The following CCDC171 variants were observed in gnomAD, a reference collection of about 807,000 sequenced individuals.
The protein encoded by CCDC171 is coiled-coil domain containing 171.
A neutral mutation model predicts 168.2 loss-of-function variants in CCDC171; 177 were observed. That is an observed-to-expected ratio of 1.05 (90% CI 0.93 to 1.19). CCDC171 has a LOEUF of 1.19. Ranked by LOEUF, CCDC171 falls within the 50% of genes most tolerant of loss-of-function variation. The pLI, the probability that CCDC171 is intolerant of heterozygous loss-of-function variation, is 0.00. For missense variants in CCDC171, 1,991 were observed against 1,539.0 expected, an observed-to-expected ratio of 1.29 and a Z score of -4.91; for synonymous variants, 687 against 540.8, an observed-to-expected ratio of 1.27 and a Z score of -3.75.
intron 3 of CCDC171, among the ~76,000 whole-genome samples, chr9:15,575,679 T>A (rs1238318664): frequency 6.6e-6 from 1 of 152,236 alleles, no homozygotes; most frequent in East Asian, 1.9e-4. Context: ...ATATTAAGCA[T>A]TTCCTTCAGT....
At chr9:15,619,548 A>G (rs1312513181) in intron 6 of CCDC171, among the ~76,000 whole-genome samples, 1 of 152,208 alleles carries the variant, frequency 6.6e-6, no homozygotes, top group African/African-American at 2.4e-5. Context: ...AATTTGGAGA[A>G]GAAAAGTTGG....
At chr9:16,034,900 C>T (rs908954671) in intron 6 of CCDC171, among the ~76,000 whole-genome samples, 1 of 152,120 alleles carries the variant, frequency 6.6e-6, no homozygotes, top group Non-Finnish European at 1.5e-5. Flanking sequence ...GGTCTATCCT[C>T]CCCTATCCCC....
intron 25 of CCDC171, among the ~76,000 whole-genome samples, chr9:15,956,211 C>T (rs1829781155): frequency 6.6e-6 from 1 of 152,202 alleles, no homozygotes; most frequent in Non-Finnish European, 1.5e-5. Context: ...CTTGGAGCAT[C>T]TTCTCACATT....
Position 15,907,747 on chromosome 9 carries a change from G to A in CCDC171, c.3601-12523G>A, listed in dbSNP as rs554747892. ...ACCTACAGAATGGGAGAAAATTTTC[G>A]CAATCTAGTCATCTGACAAAGGGCT... On this transcript the variant is annotated intron_variant, in intron 24 of 25. Coordinates refer to ENST00000380701, the MANE Select transcript of CCDC171 (RefSeq NM_173550.4). Among the ~76,000 whole-genome samples the A allele has an allele frequency of 1.9e-3, 288 of 152,236 alleles. 2 individuals carry two copies. Among genetic ancestry groups the A allele is most frequent in the African/African-American group, 6.6e-3 (274 of 41,530 alleles).
rs374846151 is a variant in CCDC171 at position 15,864,446 on chromosome 9, C to T, written c.3469-10086C>T. On this transcript the variant is annotated intron_variant, in intron 23 of 25. Coordinates refer to ENST00000380701, the MANE Select transcript of CCDC171 (RefSeq NM_173550.4). ...TTTACATTAGGTATATCTCCTAATG[C>T]TATCCCTCCCCCCGCTCCCCGCACC... 5.3e-5 allele frequency among the ~76,000 whole-genome samples: 8 copies of T among 152,056 alleles called. No individual in the cohort carries two copies. In the East Asian group the frequency reaches 1.5e-3, roughly 29 times the overall value.
intron 23 of CCDC171, among the ~76,000 whole-genome samples, chr9:15,872,448 T>G (rs546289429): frequency 6.6e-6 from 1 of 152,126 alleles, no homozygotes; most frequent in Admixed American, 6.6e-5. Context: ...TTAAAGGACC[T>G]CCAGTGCTCG....
chr9:15,674,040 C>T (rs2049326762), intron 9 of CCDC171, among the ~76,000 whole-genome samples: 1 of 152,094 alleles, frequency 6.6e-6, no homozygotes, highest in Non-Finnish European at 1.5e-5. Flanking sequence ...TATTATTGGT[C>T]TATTCAGAGA....
intron 4 of CCDC171, chr9:15,588,342 C>T: frequency 4.3e-6 from 1 of 233,182 alleles, no homozygotes; most frequent in Non-Finnish European, 9.1e-6. Flanking sequence ...TACGTCTTAG[C>T]AGCATTACCA....
intron 3 of CCDC171, among the ~76,000 whole-genome samples, chr9:15,999,652 G>C (rs188401810): frequency 6.5e-4 from 99 of 152,286 alleles, no homozygotes; most frequent in African/African-American, 2.3e-3. Context: ...AGGCTATAGA[G>C]ACTCCCTCTG....
intron 7 of CCDC171, among the ~76,000 whole-genome samples, chr9:15,647,578 C>T (rs1208242988): frequency 6.6e-6 from 1 of 152,080 alleles, no homozygotes; most frequent in Non-Finnish European, 1.5e-5. Context: ...ACCACCGATT[C>T]CACAGAAATA....
chr9:15,943,500 G>T (rs2987071), intron 25 of CCDC171, among the ~76,000 whole-genome samples: 57,851 of 151,760 alleles, frequency 0.38, 11,214 homozygotes, highest in Non-Finnish European at 0.41. Context: ...TGTATATTTA[G>T]AACCAGATGC....
At chr9:15,863,498 A>G (rs2061646934) in intron 23 of CCDC171, among the ~76,000 whole-genome samples, 1 of 151,642 alleles carries the variant, frequency 6.6e-6, no homozygotes, top group Non-Finnish European at 1.5e-5. Flanking sequence ...CTTGGTTGAC[A>G]CATTTTTTTT....
intron 7 of CCDC171, among the ~76,000 whole-genome samples, chr9:15,655,714 G>C (rs1017695531): frequency 6.6e-6 from 1 of 152,068 alleles, no homozygotes; most frequent in African/African-American, 2.4e-5. Flanking sequence ...TCAGTAATAC[G>C]AAAATAAACA....
At chr9:15,989,557 A>C (rs951754727) in intron 3 of CCDC171, among the ~76,000 whole-genome samples, 23 of 152,200 alleles carry the variant, frequency 1.5e-4, no homozygotes, top group Admixed American at 1.5e-3. Flanking sequence ...CTTGCCAGCA[A>C]CAGAACAAAA....
chr9:15,786,193 T>C (rs2135511548), intron 21 of CCDC171, among the ~76,000 whole-genome samples: 1 of 152,300 alleles, frequency 6.6e-6, no homozygotes, highest in Non-Finnish European at 1.5e-5. Flanking sequence ...CTCAACCTAA[T>C]GCATATTATT....
At chr9:15,698,015 C>A (rs530625748) in intron 11 of CCDC171, among the ~76,000 whole-genome samples, 1 of 152,202 alleles carries the variant, frequency 6.6e-6, no homozygotes, top group East Asian at 1.9e-4. Context: ...GGGAACATTT[C>A]AAATCTTCTG....
At chr9:15,690,096 C>G (rs1280874545) in intron 10 of CCDC171, among the ~76,000 whole-genome samples, 1 of 152,068 alleles carries the variant, frequency 6.6e-6, no homozygotes, top group Non-Finnish European at 1.5e-5. Flanking sequence ...AATGGTGATT[C>G]TTTAGGCCTG....
intron 6 of CCDC171, among the ~76,000 whole-genome samples, chr9:16,034,280 C>G (rs1219108430): frequency 2.0e-5 from 3 of 152,142 alleles, no homozygotes; most frequent in African/African-American, 4.8e-5. Context: ...ATCAGCCTTC[C>G]TTATGAAGAG....
At chr9:15,869,883 C>T (rs1053770409) in intron 23 of CCDC171, among the ~76,000 whole-genome samples, 1 of 151,622 alleles carries the variant, frequency 6.6e-6, no homozygotes, top group Non-Finnish European at 1.5e-5. Context: ...TGTAGATTCT[C>T]TGGTGAGAGA....
Sources: allele counts gnomAD v4.1 joint callset (sites outside exome capture counted in the v4.1 genomes callset), GRCh38; gene constraint gnomAD v4.1.1; transcripts MANE v1.5; gene names NCBI Gene and HGNC (gene_info 2026-07-23, HGNC 2026-07-21).